Variants in C1orf21 observed in about 807,000 individuals in gnomAD.
C1orf21 encodes the protein uncharacterized protein C1orf21.
A neutral mutation model predicts 18.7 loss-of-function variants in C1orf21; 3 were observed. The ratio of observed to expected loss-of-function variants is 0.16; its 90% CI spans 0.07 to 0.42. The LOEUF is 0.42. Among genes scored for constraint, C1orf21 ranks in the 10% least tolerant of loss-of-function variants. The pLI, the probability that C1orf21 is intolerant of heterozygous loss-of-function variation, is 0.99. For missense variants in C1orf21, 104 were observed against 143.6 expected, an observed-to-expected ratio of 0.72 and a Z score of 1.41; for synonymous variants, 41 against 46.4, an observed-to-expected ratio of 0.88 and a Z score of 0.47.
chr1:184,401,861 A>C (rs1656158209), intron 1 of C1orf21, among the ~76,000 whole-genome samples: 1 of 151,472 alleles, frequency 6.6e-6, no homozygotes, highest in Admixed American at 6.6e-5. Context: ...AATTTCAATA[A>C]GTAATCAGTA....
At chr1:184,427,483 G>A (rs1215271607) in intron 1 of C1orf21, among the ~76,000 whole-genome samples, 1 of 152,078 alleles carries the variant, frequency 6.6e-6, no homozygotes, top group Non-Finnish European at 1.5e-5. Flanking sequence ...TTCAGGACCA[G>A]TGAGACAGTT....
intron 2 of C1orf21, among the ~76,000 whole-genome samples, chr1:184,495,131 G>A (rs1657870420): frequency 6.6e-6 from 1 of 152,188 alleles, no homozygotes; most frequent in South Asian, 2.1e-4. Context: ...AGTTTCTTAA[G>A]GGCCAGGGTG....
chr1:184,491,349 T>C (rs1657813948), intron 2 of C1orf21, among the ~76,000 whole-genome samples: 1 of 141,624 alleles, frequency 7.1e-6, no homozygotes, highest in Non-Finnish European at 1.6e-5. Context: ...TCCTTCTTTC[T>C]TTTTTTTTTT....
At chr1:184,558,439 C>T (rs918891691) in intron 3 of C1orf21, among the ~76,000 whole-genome samples, 3 of 152,182 alleles carry the variant, frequency 2.0e-5, no homozygotes, top group African/African-American at 7.2e-5. Flanking sequence ...TTTTAAAGCA[C>T]ACCTATCTTA....
intron 2 of C1orf21, among the ~76,000 whole-genome samples, chr1:184,499,603 C>T (rs565909555): frequency 6.6e-6 from 1 of 152,122 alleles, no homozygotes; most frequent in South Asian, 2.1e-4. Flanking sequence ...AATGTGTCCA[C>T]ATTCTTTCTG....
At chr1:184,525,267 G>GT (rs1363013042) in intron 3 of C1orf21, among the ~76,000 whole-genome samples, 2 of 152,026 alleles carry the variant, frequency 1.3e-5, no homozygotes, top group African/African-American at 2.4e-5. Flanking sequence ...TTGACTTTCA[G>GT]TGATAACATC....
intron 3 of C1orf21, among the ~76,000 whole-genome samples, chr1:184,559,589 C>CCCTT (rs35574574): frequency 0.094 from 9,294 of 98,356 alleles, 514 homozygotes; most frequent in East Asian, 0.17. Context: ...CTCTCTTCCT[C>CCCTT]CCTTCCTTCC....
intron 5 of C1orf21, among the ~76,000 whole-genome samples, chr1:184,610,855 A>T (rs1254688495): frequency 6.6e-6 from 1 of 152,042 alleles, no homozygotes; most frequent in Non-Finnish European, 1.5e-5. Flanking sequence ...TCAAAAAAAA[A>T]AAAAAAAAGG....
chr1:184,545,027 T>G (rs949410976), intron 3 of C1orf21, among the ~76,000 whole-genome samples: 3 of 152,174 alleles, frequency 2.0e-5, no homozygotes, highest in Admixed American at 2.0e-4. Flanking sequence ...TAACCAAATC[T>G]TGGAAGTGGC....
intron 1 of C1orf21, among the ~76,000 whole-genome samples, chr1:184,407,290 A>G (rs1445281600): frequency 6.6e-6 from 1 of 152,016 alleles, no homozygotes; most frequent in African/African-American, 2.4e-5. Flanking sequence ...CCCAACCCCA[A>G]TTTTTCTGTG....
Position 184,477,405 on chromosome 1 carries a change from C to A in C1orf21, c.-105C>A. The A allele has an allele frequency of 3.4e-6, 3 of 885,354 alleles. No homozygotes were observed. Among genetic ancestry groups the A allele is most frequent in the Middle Eastern group, 2.3e-4 (1 of 4,362 alleles). The allele number at this position is 885,354 out of a possible 1,614,324, so 54.8% of individuals were successfully genotyped here. ...TTGCAGGTGCACACATCTTGACCAA[C>A]TCAGCAGCAAGGTGGATTTTCTTTG... On this transcript the variant is annotated 5_prime_UTR_variant, in exon 2 of 6. Transcript: ENST00000235307.
intron 4 of C1orf21, among the ~76,000 whole-genome samples, chr1:184,596,485 C>T (rs998826547): frequency 1.3e-5 from 2 of 151,780 alleles, no homozygotes; most frequent in African/African-American, 4.8e-5. Context: ...CTAAAAATGC[C>T]GTTTTTTATG....
At chr1:184,447,157 C>T (rs1401073303) in intron 1 of C1orf21, among the ~76,000 whole-genome samples, 1 of 152,104 alleles carries the variant, frequency 6.6e-6, no homozygotes, top group African/African-American at 2.4e-5. Context: ...CTTCTGTGTG[C>T]TCTGCTTCTT....
At chr1:184,612,958 T>A (rs972464320) in intron 5 of C1orf21, among the ~76,000 whole-genome samples, 5 of 152,218 alleles carry the variant, frequency 3.3e-5, no homozygotes, top group African/African-American at 4.8e-5. Context: ...TCCTTCCTTT[T>A]TTTTTCTTTT....
At chr1:184,527,230 A>G (rs1162763883) in intron 3 of C1orf21, among the ~76,000 whole-genome samples, 1 of 152,218 alleles carries the variant, frequency 6.6e-6, no homozygotes, top group Non-Finnish European at 1.5e-5. Flanking sequence ...GTGTTTGTGC[A>G]TTCACCAAGT....
intron 1 of C1orf21, among the ~76,000 whole-genome samples, chr1:184,428,715 A>T (rs1656684200): frequency 2.0e-5 from 3 of 152,092 alleles, no homozygotes; most frequent in Admixed American, 6.6e-5. Context: ...TGGGTCTAGG[A>T]TGTTTCCATA....
chr1:184,548,355 A>G (rs2101980530), intron 3 of C1orf21, among the ~76,000 whole-genome samples: 2 of 147,650 alleles, frequency 1.4e-5, no homozygotes, highest in Admixed American at 1.4e-4. Flanking sequence ...GACCCACCTC[A>G]GTGTTTCAGT....
chr1:184,454,880 A>T (rs71634109), intron 1 of C1orf21, among the ~76,000 whole-genome samples: 78 of 152,218 alleles, frequency 5.1e-4, no homozygotes, highest in African/African-American at 1.8e-3. Context: ...ATATAGATAT[A>T]TATATAATAG....
chr1:184,603,122 A>G (rs979774495), intron 5 of C1orf21, among the ~76,000 whole-genome samples: 7 of 152,238 alleles, frequency 4.6e-5, no homozygotes, highest in Admixed American at 3.9e-4. Flanking sequence ...GGCCCCAGGC[A>G]AAGAAACTTT....
Sources: allele counts gnomAD v4.1 joint callset (sites outside exome capture counted in the v4.1 genomes callset), GRCh38; gene constraint gnomAD v4.1.1; transcripts MANE v1.5; gene names NCBI Gene and HGNC (gene_info 2026-07-23, HGNC 2026-07-21).